The following VPS8 variants were observed in gnomAD, a reference collection of about 807,000 sequenced individuals.
The protein encoded by VPS8 is vacuolar protein sorting-associated protein 8 homolog.
A neutral mutation model predicts 216.4 loss-of-function variants in VPS8; 129 were observed. That is an observed-to-expected ratio of 0.60 (90% CI 0.52 to 0.69). VPS8 has a LOEUF of 0.69. Among genes scored for constraint, VPS8 ranks in the 30% least tolerant of loss-of-function variants. VPS8 has a pLI of 0.00. For synonymous variants in VPS8, 571 were observed against 565.4 expected (o/e 1.01, Z -0.14); for missense variants, 1,531 against 1,683.5 (o/e 0.91, Z 1.59).
At chr3:184,921,496 T>G (rs940157451) in intron 29 of VPS8, among the ~76,000 whole-genome samples, 1 of 152,160 alleles carries the variant, frequency 6.6e-6, no homozygotes, top group Admixed American at 6.5e-5. Flanking sequence ...GCCCCTTGGT[T>G]GGTGGGGGAG....
In VPS8 at chr3:184,898,623, G is replaced by C. The variant is rs576623836; in HGVS notation, c.2063G>C (p.Arg688Thr). Reference protein sequence around the residue: ...LYDAMIYVYNRGMNEFISPME... With the variant: ...LYDAMIYVYNTGMNEFISPME... ...GATGCTATGATCTATGTCTACAACA[G>C]AGGCATGAATGAATTTATTAGTCCA... The change falls in exon 24 of 48, where the codon AGA becomes ACA. Residue 688 changes from arginine (R) to threonine (T), a missense_variant. By Grantham distance (71) the Arg-to-Thr change is moderately conservative. This residue lies in a region of VPS8 where 1,318 missense variants were observed against 1,468.4 expected (regional missense o/e 0.90). Transcript: ENST00000625842. 16 of 1,554,244 alleles carry C rather than the reference G, an allele frequency of 1.0e-5. No homozygotes were observed. In the East Asian group the frequency reaches 3.6e-4, roughly 35 times the overall value.
chr3:184,894,508 G>GTGTATATATATATATATA (rs1553857846), intron 22 of VPS8, among the ~76,000 whole-genome samples, 195 bp from the exon 23 acceptor site: 1 of 133,126 alleles, frequency 7.5e-6, no homozygotes, highest in African/African-American at 2.8e-5. Context: ...ATATACACAC[G>GTGTATATATATATATATA]TATATATATA....
intron 46 of VPS8, among the ~76,000 whole-genome samples, chr3:185,031,062 CGTTTTTTTTTTTT>C (rs1758056079): frequency 1.3e-5 from 1 of 75,238 alleles, no homozygotes; most frequent in Non-Finnish European, 2.3e-5. Flanking sequence ...TACAGGTTGG[CGTTTTTTTTTTTT>C]TTTTTTTTTT....
chr3:184,865,547 T>C (rs1301467755), intron 16 of VPS8, among the ~76,000 whole-genome samples: 1 of 152,138 alleles, frequency 6.6e-6, no homozygotes, highest in South Asian at 2.1e-4. Context: ...AATGAGATAC[T>C]GCTTCACACC....
chr3:184,990,352 G>A (rs992126280), intron 42 of VPS8, among the ~76,000 whole-genome samples: 4 of 152,040 alleles, frequency 2.6e-5, no homozygotes, highest in South Asian at 4.1e-4. Flanking sequence ...GCTTACCCCC[G>A]AGGCTGTGAG....
At chr3:184,828,314 A>AT (rs1328934252) in intron 3 of VPS8, among the ~76,000 whole-genome samples, 3 of 151,890 alleles carry the variant, frequency 2.0e-5, no homozygotes, top group African/African-American at 7.3e-5. Context: ...TAATTTTTAT[A>AT]TTTTAGTAGA....
At chr3:184,872,550 T>G (rs1441103896) in intron 21 of VPS8, among the ~76,000 whole-genome samples, 3 of 152,098 alleles carry the variant, frequency 2.0e-5, no homozygotes, top group Non-Finnish European at 4.4e-5. Context: ...GTTAGAAGTC[T>G]CATTCTGTTG....
At chr3:185,042,364 A>G (rs927378994) in intron 46 of VPS8, among the ~76,000 whole-genome samples, 1 of 152,238 alleles carries the variant, frequency 6.6e-6, no homozygotes, top group African/African-American at 2.4e-5. Context: ...CCCTGTAACA[A>G]TAAATCTTTC....
At chr3:185,014,486 T>C (rs1023367946) in intron 45 of VPS8, among the ~76,000 whole-genome samples, 3 of 152,198 alleles carry the variant, frequency 2.0e-5, no homozygotes, top group African/African-American at 7.2e-5. Context: ...AGCATAACCT[T>C]TATCCCAAGT....
chr3:185,000,141 TA>T (rs1753203072), intron 45 of VPS8, among the ~76,000 whole-genome samples: 1 of 152,222 alleles, frequency 6.6e-6, no homozygotes, highest in African/African-American at 2.4e-5. Flanking sequence ...AGCCTGCTTT[TA>T]AGACCTTTTG....
At chr3:184,861,790 C>A (rs1315335440) in intron 15 of VPS8, among the ~76,000 whole-genome samples, 1 of 152,138 alleles carries the variant, frequency 6.6e-6, no homozygotes, top group East Asian at 1.9e-4. Context: ...TTCTGCCATT[C>A]TCTTGTTTTC....
At chr3:184,834,231 T>C (rs1720594251) in intron 4 of VPS8, among the ~76,000 whole-genome samples, 1 of 152,186 alleles carries the variant, frequency 6.6e-6, no homozygotes, top group South Asian at 2.1e-4. Flanking sequence ...GAGAACCTAC[T>C]GCCGCATTCC....
chr3:184,907,605 A>C (rs1735721062), intron 25 of VPS8, among the ~76,000 whole-genome samples: 1 of 152,116 alleles, frequency 6.6e-6, no homozygotes, highest in Non-Finnish European at 1.5e-5. Context: ...AATAATCTGC[A>C]CACCATGGTG....
At chr3:184,854,631 T>C (rs1461961240) in intron 13 of VPS8, among the ~76,000 whole-genome samples, 1 of 152,202 alleles carries the variant, frequency 6.6e-6, no homozygotes, top group Non-Finnish European at 1.5e-5. Flanking sequence ...TTTTCAGTGT[T>C]TGAAAGATAC....
intron 8 of VPS8, among the ~76,000 whole-genome samples, chr3:184,846,664 C>T (rs1184019619): frequency 6.6e-6 from 1 of 152,238 alleles, no homozygotes; most frequent in Non-Finnish European, 1.5e-5. Context: ...TCGCTCTGTG[C>T]CTGGAAGGCA....
chr3:184,943,816 G>A (rs1743161342), intron 36 of VPS8, among the ~76,000 whole-genome samples: 1 of 152,168 alleles, frequency 6.6e-6, no homozygotes, highest in African/African-American at 2.4e-5. Context: ...ACATTTACAT[G>A]TATGGCCAGG....
chr3:184,978,089 T>C (rs1415506219), intron 40 of VPS8, among the ~76,000 whole-genome samples: 1 of 151,938 alleles, frequency 6.6e-6, no homozygotes, highest in Non-Finnish European at 1.5e-5. Flanking sequence ...GGTAGGCTTT[T>C]TATTACTGCT....
At chr3:184,957,612 A>G (rs1576980713) in intron 37 of VPS8, 91 bp downstream of exon 37, 1 of 1,391,882 alleles carries the variant, frequency 7.2e-7, no homozygotes, top group Non-Finnish European at 9.6e-7. Flanking sequence ...AAAAATATAT[A>G]ATTTCTTTTT....
At chr3:185,021,507 T>A (rs1187828075) in intron 45 of VPS8, among the ~76,000 whole-genome samples, 3 of 152,240 alleles carry the variant, frequency 2.0e-5, no homozygotes, top group Non-Finnish European at 4.4e-5. Context: ...CTACTTTGCT[T>A]TGAAAATCTG....
Sources: allele counts gnomAD v4.1 joint callset (sites outside exome capture counted in the v4.1 genomes callset), GRCh38; gene constraint gnomAD v4.1.1; regional missense constraint gnomAD v4.1.1; transcripts MANE v1.5; gene names NCBI Gene and HGNC (gene_info 2026-07-23, HGNC 2026-07-21).